Variants in TOP2B observed in about 807,000 individuals in gnomAD.
The protein encoded by TOP2B is DNA topoisomerase II beta.
TOP2B carries 51 observed loss-of-function variants against 193.5 expected under a neutral mutation model. The ratio of observed to expected loss-of-function variants is 0.26; its 90% CI spans 0.21 to 0.33. TOP2B has a LOEUF of 0.33. Ranked by LOEUF, TOP2B falls within the 10% of genes least tolerant of loss-of-function variation. The probability of loss-of-function intolerance (pLI) is 1.00; values close to 1 mark genes in which losing one functional copy is unlikely to be tolerated. For missense variants in TOP2B, 1,378 were observed against 1,909.3 expected (o/e 0.72, Z 5.19); for synonymous variants, 634 against 635.7 (o/e 1.00, Z 0.04).
chr3:25,643,843 T>G (rs1353793480), intron 2 of TOP2B, 59 bp from the exon 3 acceptor site: 3 of 1,264,646 alleles, frequency 2.4e-6, no homozygotes, highest in Non-Finnish European at 3.5e-6. Context: ...CAATTTTTCA[T>G]AGTATAATCC....
chr3:25,634,048 C>T, intron 7 of TOP2B, 34 bp from the exon 8 acceptor site: 2 of 1,515,628 alleles, frequency 1.3e-6, no homozygotes, highest in Non-Finnish European at 1.8e-6. Flanking sequence ...AATTAAAAAT[C>T]TTACACTGGC....
In TOP2B at chr3:25,642,993, A is replaced by G. The variant is rs547869862; in HGVS notation, c.332-608T>C. On this transcript the variant is annotated intron_variant, in intron 3 of 35. Coordinates refer to ENST00000264331, the MANE Select transcript of TOP2B (RefSeq NM_001330700.2). ...ACACTTGCAATAAACTTAAAACAGT[A>G]AAATTATAATATGGAGGCAAGAGTA... Among the ~76,000 whole-genome samples the G allele has an allele frequency of 2.0e-5, 3 of 152,328 alleles. No individual in the cohort carries two copies. In the South Asian group the frequency reaches 6.2e-4, roughly 32 times the overall value.
chr3:25,644,426 C>T (rs893937182), intron 2 of TOP2B, among the ~76,000 whole-genome samples: 4 of 152,110 alleles, frequency 2.6e-5, no homozygotes, highest in Admixed American at 1.3e-4. Flanking sequence ...CAAGCCTGGG[C>T]GCAGTGGCTC....
chr3:25,623,391 T>C, intron 21 of TOP2B, 124 bp downstream of exon 21: 1 of 837,582 alleles, frequency 1.2e-6, no homozygotes, highest in Non-Finnish European at 1.9e-6. Context: ...TATACCCTAA[T>C]TAGGTCTTTA....
chr3:25,611,640 TC>T (rs1702373458), intron 28 of TOP2B, among the ~76,000 whole-genome samples: 1 of 152,118 alleles, frequency 6.6e-6, no homozygotes, highest in Non-Finnish European at 1.5e-5. Context: ...GTTTCCTTCT[TC>T]CGGCTAACTC....
chr3:25,598,079 T>C lies in TOP2B; in HGVS notation c.*228A>G. The C allele has an allele frequency of 5.6e-6, 2 of 360,316 alleles. No homozygotes were observed. The highest frequency in any genetic ancestry group is 9.9e-6 in the Non-Finnish European group (2 of 201,422). The allele number at this position is 360,316 out of a possible 1,614,324, so 22.3% of individuals were successfully genotyped here. A position where few individuals can be genotyped will look rare whatever the true frequency, so the allele number is the denominator to read the frequency against. ...AAATCTGTGCTAATGCACGGCAGTCTATAACAATTCTACAAGCCAATCAGA... is the reference window on the plus strand; with the variant it reads ...AAATCTGTGCTAATGCACGGCAGTCCATAACAATTCTACAAGCCAATCAGA... On this transcript the variant is annotated 3_prime_UTR_variant, in exon 36 of 36. Transcript: ENST00000264331.
intron 1 of TOP2B, among the ~76,000 whole-genome samples, chr3:25,651,562 T>C (rs562637619): frequency 2.0e-5 from 3 of 152,030 alleles, no homozygotes; most frequent in Admixed American, 6.6e-5. Flanking sequence ...TCCATGTCAA[T>C]AATTACTTTA....
chr3:25,664,531 T>C lies in TOP2B; in HGVS notation c.-234A>G. 8.8e-7 allele frequency: 1 copy of C among 1,138,734 alleles called. No homozygotes were observed. Among genetic ancestry groups the C allele is most frequent in the South Asian group, 4.4e-5 (1 of 22,980 alleles). 70.5% of individuals were successfully genotyped at this position (1,138,734 alleles called of 1,614,324 possible). ...GCGCGGCGTCCGCGTCGCCCGGGCC[T>C]AGCGCGGCGGCTGAGGAGAAAGCAG... On this transcript the variant is annotated 5_prime_UTR_variant, in exon 1 of 36. Transcript: ENST00000264331.
intron 29 of TOP2B, 65 bp downstream of exon 29, chr3:25,609,503 T>A: frequency 6.5e-7 from 1 of 1,532,592 alleles, no homozygotes; most frequent in African/African-American, 1.4e-5. Context: ...ATCAAAAGAA[T>A]CTAGTAATAC....
At chr3:25,652,510 ATAG>A (rs1475167320) in intron 1 of TOP2B, among the ~76,000 whole-genome samples, 8 of 152,252 alleles carry the variant, frequency 5.3e-5, no homozygotes, top group Non-Finnish European at 1.0e-4. Context: ...CTAGAAATCA[ATAG>A]TAGAAGGAAA....
chr3:25,654,090 T>G (rs1324300001), intron 1 of TOP2B, among the ~76,000 whole-genome samples: 2 of 152,036 alleles, frequency 1.3e-5, no homozygotes, highest in African/African-American at 4.8e-5. Context: ...CAAGATAGTA[T>G]TAGAAGTCCT....
chr3:25,608,649 AG>A (rs1258678674), intron 30 of TOP2B, among the ~76,000 whole-genome samples: 12 of 152,334 alleles, frequency 7.9e-5, no homozygotes, highest in Admixed American at 2.6e-4. Flanking sequence ...AAAACTCACT[AG>A]ATGTTAATAA....
chr3:25,653,178 G>T (rs894490854), intron 1 of TOP2B, among the ~76,000 whole-genome samples: 1 of 152,096 alleles, frequency 6.6e-6, no homozygotes, highest in Non-Finnish European at 1.5e-5. Context: ...GTACCAGATG[G>T]CTTCACTTGA....
intron 5 of TOP2B, 97 bp downstream of exon 5, chr3:25,638,068 A>AT: frequency 1.8e-6 from 2 of 1,121,286 alleles, no homozygotes; most frequent in Non-Finnish European, 2.5e-6. Flanking sequence ...TCTGACAATG[A>AT]TTTTCTCACA....
At chr3:25,635,408 TA>T (rs1703078874) in intron 7 of TOP2B, among the ~76,000 whole-genome samples, 1 of 152,242 alleles carries the variant, frequency 6.6e-6, no homozygotes, top group South Asian at 2.1e-4. Flanking sequence ...ACAGATTTTG[TA>T]ACATGTATCA....
rs781514246 is a variant in TOP2B at position 25,645,461 on chromosome 3, C to CA, written c.78dup (p.Asp27Ter). 7 of 1,602,314 alleles carry CA rather than the reference C, an allele frequency of 4.4e-6. No homozygotes were observed. Among genetic ancestry groups the CA allele is most frequent in the Middle Eastern group, 3.4e-4 (2 of 5,878 alleles). On this transcript the variant is annotated frameshift_variant, in exon 2 of 36. Transcript: ENST00000264331. LOFTEE classifies it high-confidence loss of function. ...TCTTTTTTTGCAGCATTGTTCTGAT[C>CA]AAAAAGAGTCTAAAATTAACCAAAA...
rs369292171 is a variant in TOP2B at position 25,626,636 on chromosome 3, A to G, written c.2148T>C (p.Tyr716=). Residue 716 remains tyrosine, a synonymous_variant, in exon 18 of 36, where the codon TAT becomes TAC. Coordinates refer to ENST00000264331, the MANE Select transcript of TOP2B (RefSeq NM_001330700.2). ...LYGTATKHLT[Y]NDFINKELIL... The stretch of plus-strand genomic sequence containing the variant: ...TCAATTCCTTGTTGATGAAATCATT[A>G]TAAGTCAAATGCTTTGTTGCAGTAC... The G allele has an allele frequency of 4.3e-5, 66 of 1,539,070 alleles. No homozygotes were observed. The Middle Eastern group carries it at 6.7e-4, about 16-fold the overall frequency.
Position 25,626,746 on chromosome 3 carries a change from CCAGGTCACCACTCTTTAAGACTAA to C in TOP2B, c.2109+2_2109+25del. On this transcript the variant is annotated splice_donor_variant and splice_donor_5th_base_variant and intron_variant, in intron 17 of 35. Coordinates refer to ENST00000264331, the MANE Select transcript of TOP2B (RefSeq NM_001330700.2). LOFTEE classifies it high-confidence loss of function. The stretch of plus-strand genomic sequence containing the variant: ...TTCTAGTCTCTCTCTCCTTCTTTCC[CCAGGTCACCACTCTTTAAGACTAA>C]CCTCTGGTAAGCCATGTAGCCTACG... The C allele has an allele frequency of 6.4e-7, 1 of 1,568,636 alleles. No individual in the cohort carries two copies. Among genetic ancestry groups the C allele is most frequent in the Non-Finnish European group, 8.7e-7 (1 of 1,146,238 alleles).
At position 25,623,523 on chromosome 3, in the gene TOP2B, G is replaced by A; in HGVS notation, c.2719C>T (p.His907Tyr). The A allele has an allele frequency of 6.2e-7, 1 of 1,613,358 alleles. No homozygotes were observed. Among genetic ancestry groups the A allele is most frequent in the Non-Finnish European group, 8.5e-7 (1 of 1,179,378 alleles). Residue 907 changes from histidine (H) to tyrosine (Y), a missense_variant, in exon 21 of 36, where the codon CAT (histidine) becomes TAT (tyrosine). Physicochemically the swap from His to Tyr is moderately conservative, Grantham distance 83 (BLOSUM62 2). Around this residue, in one of 9 missense-constraint regions of TOP2B, gnomAD observed 379 missense variants for 615.1 expected, o/e 0.62. Coordinates refer to ENST00000264331, the MANE Select transcript of TOP2B (RefSeq NM_001330700.2). ...VRRMLDGLDPHPMLPNYKNFK... is the reference protein window; with the variant it reads ...VRRMLDGLDPYPMLPNYKNFK... ...AAGTTCCAAATAATTACCATGGGATGAGGATCCAGGCCATCTAGCATTCGT... is the reference window on the plus strand; with the variant it reads ...AAGTTCCAAATAATTACCATGGGATAAGGATCCAGGCCATCTAGCATTCGT...
Sources: allele counts gnomAD v4.1 joint callset (sites outside exome capture counted in the v4.1 genomes callset), GRCh38; gene constraint gnomAD v4.1.1; regional missense constraint gnomAD v4.1.1; transcripts MANE v1.5; gene names NCBI Gene and HGNC (gene_info 2026-07-23, HGNC 2026-07-21).